Variants in BAD observed in about 807,000 individuals in gnomAD.
BAD encodes bcl2-associated agonist of cell death.
In BAD, 18 loss-of-function variants were observed where a neutral mutation model predicts 17.8. That is an observed-to-expected ratio of 1.01 (90% confidence interval 0.70 to 1.50). The LOEUF (loss-of-function observed/expected upper bound fraction) is 1.50, where lower values mean the gene tolerates loss of function less well. Among genes scored for constraint, BAD ranks in the 40% most tolerant of loss-of-function variants. The probability of loss-of-function intolerance (pLI) is 0.00; values close to 1 mark genes in which losing one functional copy is unlikely to be tolerated. For missense variants in BAD, 294 were observed against 239.3 expected (o/e 1.23, Z -1.51); for synonymous variants, 112 against 91.5 (o/e 1.22, Z -1.28).
At chr11:64,280,927 C>T (rs1056896012) in intron 2 of BAD, among the ~76,000 whole-genome samples, 4 of 150,998 alleles carry the variant, frequency 2.6e-5, no homozygotes, top group African/African-American at 4.9e-5. Context: ...CTCAGCCTCC[C>T]GATGTGCTGG....
chr11:64,270,462 G>A (rs1216290394), intron 3 of BAD, 125 bp from the exon 4 acceptor site: 2 of 1,343,840 alleles, frequency 1.5e-6, no homozygotes, highest in African/African-American at 1.5e-5. Context: ...ACAACTCCCA[G>A]GAGGCTCCAC....
rs943095812 is a variant in BAD, at chr11:64,284,475, C to T, written c.-8-99G>A. On this transcript the variant is annotated intron_variant, in intron 1 of 3. Transcript: ENST00000309032. ...CCCCTGGCTTCCTCTCCCACCGTAG[C>T]GCCCCCAGGCCCGCCAGGCCTCCTG... The T allele has an allele frequency of 2.5e-6, 4 of 1,592,166 alleles. No individual in the cohort carries two copies. The Admixed American group carries it at 5.1e-5, about 20-fold the overall frequency.
At position 64,271,620 on chromosome 11, in the gene BAD, G is replaced by T. The variant is rs1349853773; in HGVS notation, c.371C>A (p.Ser124Tyr). The change falls in exon 3 of 4, where the codon TCC becomes TAC. Residue 124 changes from serine (S) to tyrosine (Y), a missense_variant. Physicochemically the swap from Ser to Tyr is moderately radical, Grantham distance 144 (BLOSUM62 -2). Transcript: ENST00000309032. ...CTGGGGACTGGCGCTCACCTTAAAGGAGTCCACAAACTCGTCACTCATCCT... is the reference window on the plus strand; with the variant it reads ...CTGGGGACTGGCGCTCACCTTAAAGTAGTCCACAAACTCGTCACTCATCCT... ...LRRMSDEFVDSFKKGLPRPKS... is the reference protein window; with the variant it reads ...LRRMSDEFVDYFKKGLPRPKS... The T allele has an allele frequency of 6.0e-6, 9 of 1,492,536 alleles. No individual in the cohort carries two copies. The Admixed American group carries it at 1.4e-4, about 23-fold the overall frequency. 92.5% of individuals were successfully genotyped at this position (1,492,536 alleles called of 1,614,324 possible).
At chr11:64,284,433 G>A (rs987526821) in intron 1 of BAD, 57 bp from the exon 2 acceptor site, 1 of 1,606,150 alleles carries the variant, frequency 6.2e-7, no homozygotes, top group Admixed American at 1.7e-5. Flanking sequence ...GGTGGCCCTG[G>A]AAGGCAGAGG....
At chr11:64,277,862 C>A (rs1248921862) in intron 2 of BAD, among the ~76,000 whole-genome samples, 1 of 152,196 alleles carries the variant, frequency 6.6e-6, no homozygotes, top group Non-Finnish European at 1.5e-5. Flanking sequence ...TGAAAGGAAA[C>A]CATAATCAAT....
chr11:64,275,045 G>A (rs906743257), intron 2 of BAD, among the ~76,000 whole-genome samples: 3 of 148,196 alleles, frequency 2.0e-5, no homozygotes, highest in Admixed American at 6.8e-5. Context: ...GACGGAATCC[G>A]GAAAGGCCTA....
In BAD at chr11:64,270,491, C is replaced by T. The variant is rs149116495; in HGVS notation, c.379-154G>A. 1.0e-4 allele frequency: 104 copies of T among 1,026,842 alleles called. No individual in the cohort carries two copies. The African/African-American group carries it at 1.4e-3, about 14-fold the overall frequency. The allele number at this position is 1,026,842 out of a possible 1,614,324, so 63.6% of individuals were successfully genotyped here. A position where few individuals can be genotyped will look rare whatever the true frequency, so the allele number is the denominator to read the frequency against. ...GCTCCACGCCGGGCGGTCAGGGACGCTCGCGAGGACGCATGGGCCCCCAGG... is the reference window on the plus strand; with the variant it reads ...GCTCCACGCCGGGCGGTCAGGGACGTTCGCGAGGACGCATGGGCCCCCAGG... On this transcript the variant is annotated intron_variant, in intron 3 of 3. Transcript: ENST00000309032.
intron 2 of BAD, among the ~76,000 whole-genome samples, chr11:64,283,105 C>G (rs547061553): frequency 6.6e-6 from 1 of 152,236 alleles, no homozygotes; most frequent in South Asian, 2.1e-4. Flanking sequence ...GGGGTCCAAT[C>G]TGAGAGAATC....
chr11:64,284,423 G>A (rs773671122), intron 1 of BAD, 47 bp from the exon 2 acceptor site: 3 of 1,608,158 alleles, frequency 1.9e-6, no homozygotes, highest in Admixed American at 3.3e-5. Flanking sequence ...TGGGGCCAAC[G>A]GTGGCCCTGG....
chr11:64,273,692 C>T (rs1397569484), intron 2 of BAD, among the ~76,000 whole-genome samples: 2 of 151,492 alleles, frequency 1.3e-5, no homozygotes, highest in East Asian at 3.9e-4. Context: ...CCAGACTGAC[C>T]AAGATGGTAA....
intron 2 of BAD, 131 bp downstream of exon 2, chr11:64,284,051 G>C: frequency 8.9e-7 from 1 of 1,128,544 alleles, no homozygotes; most frequent in Non-Finnish European, 1.2e-6. Context: ...TTTTACGAAA[G>C]AGGAAACTGG....
At position 64,270,125 on chromosome 11, in the gene BAD, C is replaced by A. The variant is rs762874651; in HGVS notation, c.*84G>T. ...AGCACGGATCCTCTTTTTGCATAGGCCTGAGGGAAGTACTTCCGCCCATAT... is the reference window on the plus strand; with the variant it reads ...AGCACGGATCCTCTTTTTGCATAGGACTGAGGGAAGTACTTCCGCCCATAT... On this transcript the variant is annotated 3_prime_UTR_variant, in exon 4 of 4. Transcript: ENST00000309032. The A allele has an allele frequency of 1.3e-6, 2 of 1,599,588 alleles. No homozygotes were observed. The highest frequency in any genetic ancestry group is 1.7e-6 in the Non-Finnish European group (2 of 1,170,298).
chr11:64,277,223 C>T (rs748793031), intron 2 of BAD, among the ~76,000 whole-genome samples: 7 of 152,186 alleles, frequency 4.6e-5, no homozygotes, highest in South Asian at 2.1e-4. Flanking sequence ...AATCTGCTGC[C>T]GGGGGAGGCT....
Position 64,284,389 on chromosome 11 carries a change from G to A in BAD, c.-8-13C>T, listed in dbSNP as rs2033703704. The A allele has an allele frequency of 5.6e-6, 9 of 1,612,156 alleles. No individual in the cohort carries two copies. Among genetic ancestry groups the A allele is most frequent in the Non-Finnish European group, 7.6e-6 (9 of 1,179,952 alleles). ...AACATGCTCTGGGCTGTGAGGACAAGATGTTACGTAGTCAAGGCACAGCTG... is the reference window on the plus strand; with the variant it reads ...AACATGCTCTGGGCTGTGAGGACAAAATGTTACGTAGTCAAGGCACAGCTG... On this transcript the variant is annotated splice_polypyrimidine_tract_variant and intron_variant, in intron 1 of 3. Transcript: ENST00000309032.
intron 2 of BAD, among the ~76,000 whole-genome samples, chr11:64,279,908 G>T (rs2033326431): frequency 6.6e-6 from 1 of 151,598 alleles, no homozygotes; most frequent in African/African-American, 2.4e-5. Context: ...TGTTGGCTGG[G>T]CACTGTGGCT....
intron 2 of BAD, among the ~76,000 whole-genome samples, chr11:64,278,382 A>AAAAAT (rs2033208935): frequency 6.8e-6 from 1 of 148,076 alleles, no homozygotes; most frequent in Admixed American, 6.8e-5. Context: ...AATTATATAT[A>AAAAAT]TATATTTATA....
Position 64,284,162 on chromosome 11 carries a change from G to A in BAD, c.187+20C>T, listed in dbSNP as rs2033675774. ...CTGGGGGTGAGGTGTCCCGGCAGGTGGAGGTGGTGGGGTACTTACCTCCAT... is the reference window on the plus strand; with the variant it reads ...CTGGGGGTGAGGTGTCCCGGCAGGTAGAGGTGGTGGGGTACTTACCTCCAT... On this transcript the variant is annotated intron_variant, in intron 2 of 3. Transcript: ENST00000309032. 6.4e-7 allele frequency: 1 copy of A among 1,554,724 alleles called. No individual in the cohort carries two copies.
intron 2 of BAD, 123 bp downstream of exon 2, chr11:64,284,059 T>G (rs1174541829): frequency 5.0e-6 from 6 of 1,192,994 alleles, no homozygotes; most frequent in Non-Finnish European, 5.8e-6. Flanking sequence ...AAGAGGAAAC[T>G]GGGGCTCTGA....
chr11:64,284,163 G>T lies in BAD; in HGVS notation c.187+19C>A, dbSNP rs2033676007. 6.4e-7 allele frequency: 1 copy of T among 1,555,970 alleles called. No individual in the cohort carries two copies. Among genetic ancestry groups the T allele is most frequent in the Non-Finnish European group, 8.7e-7 (1 of 1,151,480 alleles). On this transcript the variant is annotated intron_variant, in intron 2 of 3. Transcript: ENST00000309032. ...TGGGGGTGAGGTGTCCCGGCAGGTG[G>T]AGGTGGTGGGGTACTTACCTCCATG...
Sources: allele counts gnomAD v4.1 joint callset (sites outside exome capture counted in the v4.1 genomes callset), GRCh38; gene constraint gnomAD v4.1.1; transcripts MANE v1.5; gene names NCBI Gene and HGNC (gene_info 2026-07-23, HGNC 2026-07-21).